The following FGF1 variants were observed in gnomAD, a reference collection of about 807,000 sequenced individuals.
FGF1 encodes beta-endothelial cell growth factor.
Under a neutral mutation model 13.4 loss-of-function variants are expected in FGF1, and 9 were observed. The observed-to-expected ratio is 0.67, with a 90% CI of 0.40 to 1.17. The LOEUF is 1.17. Among genes scored for constraint, FGF1 ranks in the 50% most tolerant of loss-of-function variants. The probability of loss-of-function intolerance (pLI) is 0.01; values close to 1 mark genes in which losing one functional copy is unlikely to be tolerated. For missense variants in FGF1, 156 were observed against 192.7 expected, an observed-to-expected ratio of 0.81 and a Z score of 1.13; for synonymous variants, 93 against 79.0, an observed-to-expected ratio of 1.18 and a Z score of -0.94.
upstream of FGF1, among the ~76,000 whole-genome samples, chr5:142,690,726 G>A (rs1420754387): frequency 4.6e-5 from 7 of 152,140 alleles, no homozygotes; most frequent in African/African-American, 7.2e-5. Context: ...CTGCTAAAAG[G>A]TAAATCAGAC....
At chr5:142,642,179 C>G (rs1765305864) in intron 1 of FGF1, among the ~76,000 whole-genome samples, 2 of 152,208 alleles carry the variant, frequency 1.3e-5, no homozygotes, top group South Asian at 4.1e-4. Flanking sequence ...CCCTTGGCTT[C>G]CTGGGTCACC....
At chr5:142,697,112 G>A (rs1046811067) in intron 2 of FGF1, among the ~76,000 whole-genome samples, 9 of 152,194 alleles carry the variant, frequency 5.9e-5, no homozygotes, top group Non-Finnish European at 1.0e-4. Context: ...AATCTGTTAA[G>A]TATGTTTTGC....
At chr5:142,683,349 T>C (rs753235736) in intron 1 of FGF1, among the ~76,000 whole-genome samples, 1 of 152,206 alleles carries the variant, frequency 6.6e-6, no homozygotes, top group Non-Finnish European at 1.5e-5. Context: ...TGGGACCTGC[T>C]GGGCTGCATT....
intron 1 of FGF1, among the ~76,000 whole-genome samples, chr5:142,628,880 A>G (rs114029604): frequency 6.6e-6 from 1 of 152,300 alleles, no homozygotes; most frequent in African/African-American, 2.4e-5. Flanking sequence ...CTTTTCGCAC[A>G]TAATTCCTCT....
At chr5:142,606,218 C>CTGTGTGTGTGTGTGTGTG (rs61445131) in intron 2 of FGF1, among the ~76,000 whole-genome samples, 1 of 143,068 alleles carries the variant, frequency 7.0e-6, no homozygotes, top group East Asian at 2.0e-4. Flanking sequence ...CTTTCTCTCT[C>CTGTGTGTGTGTGTGTGTG]TGTGTGTGTG....
chr5:142,681,980 G>A (rs1773798245), intron 1 of FGF1, among the ~76,000 whole-genome samples: 1 of 152,164 alleles, frequency 6.6e-6, no homozygotes, highest in South Asian at 2.1e-4. Context: ...CCATGCCAAA[G>A]CAAATGTGTC....
upstream of FGF1, among the ~76,000 whole-genome samples, chr5:142,687,536 C>T (rs1402492270): frequency 6.6e-6 from 1 of 152,180 alleles, no homozygotes; most frequent in African/African-American, 2.4e-5. Flanking sequence ...GCAAAGGATA[C>T]TGATAATTTG....
At chr5:142,611,389 C>T (rs249926) in intron 2 of FGF1, among the ~76,000 whole-genome samples, 29,391 of 152,158 alleles carry the variant, frequency 0.19, 3,447 homozygotes, top group East Asian at 0.31. Context: ...GGTGAGGAAA[C>T]TGAGTCTCAG....
chr5:142,655,211 T>C (rs979074737), intron 1 of FGF1, among the ~76,000 whole-genome samples: 11 of 152,220 alleles, frequency 7.2e-5, no homozygotes, highest in African/African-American at 2.7e-4. Flanking sequence ...TGAAAGAACA[T>C]GATGGAGGCT....
At chr5:142,617,270 C>A (rs1372879083) in intron 1 of FGF1, among the ~76,000 whole-genome samples, 1 of 152,044 alleles carries the variant, frequency 6.6e-6, no homozygotes. Flanking sequence ...GAGGCTGAGG[C>A]AGGAGAATGG....
At chr5:142,607,154 T>C (rs149502234) in intron 2 of FGF1, among the ~76,000 whole-genome samples, 58 of 152,242 alleles carry the variant, frequency 3.8e-4, no homozygotes, top group African/African-American at 1.3e-3. Context: ...ATGTTGCATC[T>C]AGACCAGAGC....
intron 2 of FGF1, among the ~76,000 whole-genome samples, chr5:142,692,005 A>C (rs184468955): frequency 6.6e-6 from 1 of 152,308 alleles, no homozygotes; most frequent in African/African-American, 2.4e-5. Context: ...ATTGTGCACT[A>C]TCTCCATTGA....
chr5:142,685,205 CCTT>C (rs887593760), intron 1 of FGF1, among the ~76,000 whole-genome samples: 1 of 152,108 alleles, frequency 6.6e-6, no homozygotes, highest in African/African-American at 2.4e-5. Flanking sequence ...CATTCTGACT[CCTT>C]CTTTCCTAGT....
At chr5:142,631,674 G>T (rs2151927763) in intron 1 of FGF1, among the ~76,000 whole-genome samples, 1 of 152,192 alleles carries the variant, frequency 6.6e-6, no homozygotes, top group South Asian at 2.1e-4. Flanking sequence ...CCTCACCAGG[G>T]GTTAACACCC....
At chr5:142,614,814 T>C (rs1759864290) in intron 1 of FGF1, among the ~76,000 whole-genome samples, 1 of 152,044 alleles carries the variant, frequency 6.6e-6, no homozygotes, top group African/African-American at 2.4e-5. Context: ...GCAAATACCA[T>C]ATCAAAGGAA....
intron 1 of FGF1, among the ~76,000 whole-genome samples, chr5:142,623,655 G>A (rs893951762): frequency 6.6e-6 from 1 of 151,534 alleles, no homozygotes; most frequent in African/African-American, 2.4e-5. Flanking sequence ...GGCCCCTTTT[G>A]TCACTTTTAC....
At chr5:142,676,974 A>G (rs1051211747) in intron 1 of FGF1, among the ~76,000 whole-genome samples, 4 of 152,244 alleles carry the variant, frequency 2.6e-5, no homozygotes, top group Non-Finnish European at 4.4e-5. Context: ...TTTTACTCCT[A>G]TAACTTAAAT....
At chr5:142,661,614 A>G (rs548077313) in intron 1 of FGF1, among the ~76,000 whole-genome samples, 1 of 152,356 alleles carries the variant, frequency 6.6e-6, no homozygotes, top group East Asian at 1.9e-4. Context: ...TAGCATATCC[A>G]TGCAAAACAT....
At chr5:142,674,627 G>A (rs1007774244) in intron 1 of FGF1, among the ~76,000 whole-genome samples, 1 of 152,122 alleles carries the variant, frequency 6.6e-6, no homozygotes, top group Non-Finnish European at 1.5e-5. Flanking sequence ...GAAGCAATGG[G>A]ATCTTGGCTC....
Sources: gnomAD v4.1 joint callset for allele counts (sites outside exome capture counted in the v4.1 genomes callset) on GRCh38, gnomAD v4.1.1 for gene constraint, MANE v1.5 for transcripts, NCBI Gene and HGNC (gene_info 2026-07-23, HGNC 2026-07-21) for gene names.